The following NALF1 variants were observed in gnomAD, a reference collection of about 807,000 sequenced individuals.
NALF1 encodes the protein NALCN channel auxiliary factor 1.
A neutral mutation model predicts 48.4 loss-of-function variants in NALF1; 3 were observed. That is an observed-to-expected ratio of 0.06 (90% CI 0.03 to 0.16). NALF1 has a LOEUF of 0.16. Among genes scored for constraint, NALF1 ranks in the 10% least tolerant of loss-of-function variants. The probability of loss-of-function intolerance (pLI) is 1.00; values close to 1 mark genes in which losing one functional copy is unlikely to be tolerated. For missense variants in NALF1, 526 were observed against 571.5 expected, an observed-to-expected ratio of 0.92 and a Z score of 0.81; for synonymous variants, 262 against 245.7, an observed-to-expected ratio of 1.07 and a Z score of -0.62.
intron 1 of NALF1, among the ~76,000 whole-genome samples, chr13:107,533,567 T>TACAC (rs1308199500): frequency 1.3e-5 from 2 of 152,134 alleles, no homozygotes; most frequent in African/African-American, 4.8e-5. Context: ...CTTTATAAAG[T>TACAC]ACACAGTGTA....
chr13:107,611,848 A>G (rs1419328450), intron 1 of NALF1, among the ~76,000 whole-genome samples: 2 of 151,338 alleles, frequency 1.3e-5, no homozygotes, highest in Non-Finnish European at 2.9e-5. Flanking sequence ...GCCTGAGCCC[A>G]GGAGTTCGGG....
chr13:107,291,982 G>A (rs1881630038), intron 1 of NALF1, among the ~76,000 whole-genome samples: 1 of 152,138 alleles, frequency 6.6e-6, no homozygotes, highest in South Asian at 2.1e-4. Flanking sequence ...TGCTCCTATT[G>A]ATACACAGTC....
At chr13:107,545,669 A>C (rs1429443477) in intron 1 of NALF1, among the ~76,000 whole-genome samples, 1 of 152,066 alleles carries the variant, frequency 6.6e-6, no homozygotes, top group Admixed American at 6.5e-5. Flanking sequence ...AAGGTGAGGA[A>C]GCAAGACGTA....
intron 1 of NALF1, among the ~76,000 whole-genome samples, chr13:107,342,333 G>A (rs983860585): frequency 2.0e-5 from 3 of 152,146 alleles, no homozygotes; most frequent in African/African-American, 7.2e-5. Flanking sequence ...TTGACAAAGG[G>A]ACCAGATAGT....
intron 1 of NALF1, among the ~76,000 whole-genome samples, chr13:107,516,230 C>A (rs760476111): frequency 3.3e-5 from 5 of 152,056 alleles, no homozygotes; most frequent in Non-Finnish European, 7.3e-5. Context: ...TGACAATGAG[C>A]GGAGTCAGGG....
At chr13:107,676,592 A>C (rs1258560911) in intron 1 of NALF1, among the ~76,000 whole-genome samples, 1 of 106,426 alleles carries the variant, frequency 9.4e-6, no homozygotes, top group Non-Finnish European at 2.0e-5. Context: ...TAAATCATTA[A>C]ATTAATTTAA....
intron 1 of NALF1, among the ~76,000 whole-genome samples, chr13:107,312,799 T>C (rs548558111): frequency 6.6e-6 from 1 of 152,336 alleles, no homozygotes; most frequent in Admixed American, 6.5e-5. Flanking sequence ...GCCACTCTGG[T>C]GAATTTGCAC....
At chr13:107,452,274 G>T (rs1368253603) in intron 1 of NALF1, among the ~76,000 whole-genome samples, 1 of 152,082 alleles carries the variant, frequency 6.6e-6, no homozygotes, top group African/African-American at 2.4e-5. Flanking sequence ...TTTTCATACT[G>T]CTATAAAGAA....
chr13:107,632,855 AC>A (rs1879868945), intron 1 of NALF1, among the ~76,000 whole-genome samples: 1 of 151,978 alleles, frequency 6.6e-6, no homozygotes, highest in African/African-American at 2.4e-5. Flanking sequence ...TAGAGGAAAA[AC>A]AAGCCCAGAA....
At chr13:107,516,534 A>T (rs747315105) in intron 1 of NALF1, among the ~76,000 whole-genome samples, 1 of 152,210 alleles carries the variant, frequency 6.6e-6, no homozygotes, top group Non-Finnish European at 1.5e-5. Flanking sequence ...CTTTCACGAC[A>T]TTGCCAGCCT....
rs774051782 is a variant in NALF1 at position 107,397,684 on chromosome 13, C to T, written c.916-186929G>A. On this transcript the variant is annotated intron_variant, in intron 1 of 2. Coordinates refer to ENST00000375915, the MANE Select transcript of NALF1 (RefSeq NM_001080396.3). ...AAGAGGTAGGGCCTTGAGTTCATCT[C>T]TTTGCTCCACATTTGTCAAGTAGAA... Among the ~76,000 whole-genome samples the T allele has an allele frequency of 4.4e-4, 67 of 152,016 alleles. 2 individuals carry two copies. Among genetic ancestry groups the T allele is most frequent in the Admixed American group, 3.9e-4 (6 of 15,244 alleles).
At chr13:107,204,482 C>T (rs1879593715) in intron 2 of NALF1, among the ~76,000 whole-genome samples, 1 of 152,200 alleles carries the variant, frequency 6.6e-6, no homozygotes, top group Non-Finnish European at 1.5e-5. Context: ...TCCAGACATC[C>T]TAATTCCTCC....
intron 1 of NALF1, among the ~76,000 whole-genome samples, chr13:107,434,881 A>C (rs2139020638): frequency 6.6e-6 from 1 of 152,286 alleles, no homozygotes. Context: ...TTCACATGAG[A>C]GTGGGATACA....
chr13:107,305,024 G>T (rs1881908552), intron 1 of NALF1, among the ~76,000 whole-genome samples: 1 of 152,156 alleles, frequency 6.6e-6, no homozygotes, highest in African/African-American at 2.4e-5. Flanking sequence ...AAATGAATGT[G>T]ACCAATAGTT....
chr13:107,852,208 C>T (rs941311505), intron 1 of NALF1, among the ~76,000 whole-genome samples: 2 of 152,024 alleles, frequency 1.3e-5, no homozygotes, highest in African/African-American at 4.8e-5. Flanking sequence ...TAATAAGCAT[C>T]GTGTTTATAT....
chr13:107,572,351 A>G (rs1295975986), intron 1 of NALF1, among the ~76,000 whole-genome samples: 9 of 152,084 alleles, frequency 5.9e-5, no homozygotes, highest in African/African-American at 2.2e-4. Flanking sequence ...GGGGATACTT[A>G]CTGCCCATTA....
chr13:107,326,198 T>C (rs2138919282), intron 1 of NALF1, among the ~76,000 whole-genome samples: 1 of 151,792 alleles, frequency 6.6e-6, no homozygotes, highest in South Asian at 2.1e-4. Flanking sequence ...TAATATAAAA[T>C]CTGGAAAAAT....
At chr13:107,778,830 T>C (rs1473581482) in intron 1 of NALF1, among the ~76,000 whole-genome samples, 1 of 152,138 alleles carries the variant, frequency 6.6e-6, no homozygotes, top group African/African-American at 2.4e-5. Context: ...ACTTGATGAT[T>C]CCCTGAAAAC....
chr13:107,557,422 G>T (rs146597361), intron 1 of NALF1, among the ~76,000 whole-genome samples: 7 of 152,118 alleles, frequency 4.6e-5, no homozygotes, highest in African/African-American at 1.7e-4. Flanking sequence ...TTTGCATACC[G>T]TGGGGAAGGC....
Sources: gnomAD v4.1 joint callset for allele counts (sites outside exome capture counted in the v4.1 genomes callset) on GRCh38, gnomAD v4.1.1 for gene constraint, MANE v1.5 for transcripts, NCBI Gene and HGNC (gene_info 2026-07-23, HGNC 2026-07-21) for gene names.